DOCK2: variants seen among roughly 807,000 people sequenced by gnomAD.
The protein encoded by DOCK2 is dedicator of cytokinesis 2.
DOCK2 carries 87 observed loss-of-function variants against 248.9 expected under a neutral mutation model. That is an observed-to-expected ratio of 0.35 (90% CI 0.29 to 0.42). The LOEUF (loss-of-function observed/expected upper bound fraction) is 0.42. DOCK2 is among the 10% of genes least tolerant of loss of function. The pLI is 1.00. For missense variants in DOCK2, 1,747 were observed against 2,300.2 expected (o/e 0.76, Z 4.92); for synonymous variants, 805 against 821.6 (o/e 0.98, Z 0.35).
intron 25 of DOCK2, among the ~76,000 whole-genome samples, chr5:169,788,712 G>A (rs2113047021): frequency 6.6e-6 from 1 of 152,232 alleles, no homozygotes; most frequent in African/African-American, 2.4e-5. Context: ...AATGTATAAA[G>A]AAATACTTAT....
At chr5:169,937,606 G>T (rs1776048896) in intron 27 of DOCK2, among the ~76,000 whole-genome samples, 1 of 151,142 alleles carries the variant, frequency 6.6e-6, no homozygotes, top group Non-Finnish European at 1.5e-5. Context: ...ATATTAACTT[G>T]TTTAATCCCA....
At chr5:169,939,701 C>T (rs559325687) in intron 27 of DOCK2, among the ~76,000 whole-genome samples, 1 of 152,138 alleles carries the variant, frequency 6.6e-6, no homozygotes. Context: ...ACTGAGACGT[C>T]ATTATGCATG....
rs1758030844 is a variant in DOCK2, at chr5:170,081,504, T to C, written c.5288-338T>C. 1.2e-5 allele frequency: 3 copies of C among 252,696 alleles called. No individual in the cohort carries two copies. The East Asian group carries it at 2.7e-4, about 23-fold the overall frequency. The allele number at this position is 252,696 out of a possible 1,614,324, so 15.7% of individuals were successfully genotyped here. ...CAATGGGGAGAGAAATCCAGGGTGT[T>C]GGTGTTGGGAGCTGGAGGAAGAGTA... On this transcript the variant is annotated intron_variant, in intron 50 of 51. Transcript: ENST00000520908.
chr5:169,778,181 G>A (rs756890372), intron 25 of DOCK2, among the ~76,000 whole-genome samples: 5 of 152,148 alleles, frequency 3.3e-5, no homozygotes, highest in Non-Finnish European at 5.9e-5. Context: ...GGTGCATTGT[G>A]CTGAGAACCA....
chr5:169,771,311 C>T (rs945245288), intron 25 of DOCK2, among the ~76,000 whole-genome samples: 3 of 152,190 alleles, frequency 2.0e-5, no homozygotes, highest in Non-Finnish European at 2.9e-5. Context: ...GACGGAGTCT[C>T]GCTCTGTCGC....
At chr5:169,833,868 A>G (rs1189897665) in intron 26 of DOCK2, among the ~76,000 whole-genome samples, 1 of 152,232 alleles carries the variant, frequency 6.6e-6, no homozygotes, top group Admixed American at 6.5e-5. Flanking sequence ...AGACTTGCAT[A>G]TATTGATATT....
At chr5:169,905,024 A>G (rs529732250) in intron 27 of DOCK2, among the ~76,000 whole-genome samples, 1 of 152,322 alleles carries the variant, frequency 6.6e-6, no homozygotes, top group East Asian at 1.9e-4. Flanking sequence ...TATGAAAATG[A>G]AGATAGTAGT....
intron 1 of DOCK2, among the ~76,000 whole-genome samples, chr5:169,649,886 C>T (rs1757704406): frequency 6.6e-6 from 1 of 151,912 alleles, no homozygotes; most frequent in African/African-American, 2.4e-5. Context: ...TGACTGCAAC[C>T]TCTGCCTCCC....
rs1760752901 is a variant in DOCK2 at position 169,698,298 on chromosome 5, A to ATAAGC, written c.980-74_980-70dup. The ATAAGC allele has an allele frequency of 5.3e-6, 8 of 1,503,350 alleles. No homozygotes were observed. The South Asian group carries it at 8.1e-5, about 15-fold the overall frequency. 93.1% of individuals were successfully genotyped at this position (1,503,350 alleles called of 1,614,324 possible). The stretch of plus-strand genomic sequence containing the variant: ...CATCCCAGGCTCTACCTCCTGTCCC[A>ATAAGC]TAAGCTCATCCCACTGTCATCCCTT... On this transcript the variant is annotated intron_variant, in intron 10 of 51. Transcript: ENST00000520908.
At chr5:169,969,309 G>C (rs1348813959) in intron 27 of DOCK2, among the ~76,000 whole-genome samples, 1 of 152,064 alleles carries the variant, frequency 6.6e-6, no homozygotes, top group Non-Finnish European at 1.5e-5. Context: ...GCTGGGTGTG[G>C]TGTGGGGCAC....
chr5:169,831,824 A>C lies in DOCK2; in HGVS notation c.2704-8933A>C, dbSNP rs187841938. ...GGATGCCAATGCATCCAAAATACAG[A>C]TGAAGAAACTTGAGGCTCAGAGGGG... On this transcript the variant is annotated intron_variant, in intron 26 of 51. Transcript: ENST00000520908. Among the ~76,000 whole-genome samples, 7 of 152,372 alleles carry C rather than the reference A, an allele frequency of 4.6e-5. No homozygotes were observed. The East Asian group carries it at 1.2e-3, about 25-fold the overall frequency.
chr5:169,818,065 T>C (rs1056542761), intron 26 of DOCK2, among the ~76,000 whole-genome samples: 1 of 152,180 alleles, frequency 6.6e-6, no homozygotes, highest in Non-Finnish European at 1.5e-5. Flanking sequence ...TCAGCCTGCA[T>C]TTTCCCACAG....
At chr5:170,023,831 G>A (rs577218970) in intron 33 of DOCK2, among the ~76,000 whole-genome samples, 15 of 152,248 alleles carry the variant, frequency 9.9e-5, no homozygotes, top group African/African-American at 3.6e-4. Flanking sequence ...CTCTTCCCAT[G>A]TCAATGTCAG....
intron 30 of DOCK2, among the ~76,000 whole-genome samples, chr5:170,005,878 G>A (rs1755017047): frequency 6.6e-6 from 1 of 152,138 alleles, no homozygotes; most frequent in African/African-American, 2.4e-5. Context: ...GGGCATTTCT[G>A]AAATTATTCT....
Position 170,046,956 on chromosome 5 carries a change from G to A in DOCK2, c.3967-554G>A, listed in dbSNP as rs148157108. 3.3e-5 allele frequency among the ~76,000 whole-genome samples: 5 copies of A among 152,220 alleles called. No individual in the cohort carries two copies. In the East Asian group the frequency reaches 9.6e-4, roughly 29 times the overall value. On this transcript the variant is annotated intron_variant, in intron 39 of 51. Transcript: ENST00000520908. ...TGTGCCATGTCATGATTCCTTCAGG[G>A]CCAACTGCAGTTATAAGATGCCATT...
In DOCK2 at chr5:170,042,110, T is replaced by C. The variant is rs369071999; in HGVS notation, c.3854T>C (p.Ile1285Thr). The C allele has an allele frequency of 4.8e-5, 77 of 1,612,696 alleles. No individual in the cohort carries two copies. Among genetic ancestry groups the C allele is most frequent in the Non-Finnish European group, 6.4e-5 (76 of 1,179,292 alleles). ...QLKETLYETIIGYFDKGKMWE... is the reference protein window; with the variant it reads ...QLKETLYETITGYFDKGKMWE... ...AAGGAGACGCTCTACGAGACCATCA[T>C]AGGCTACTTTGACAAAGGAAAGGTA... Residue 1285 changes from isoleucine (I) to threonine (T), a missense_variant, in exon 38 of 52, where the codon ATA becomes ACA. Ile to Thr is a moderately conservative substitution (Grantham distance 89). Transcript: ENST00000520908.
Position 169,800,742 on chromosome 5 carries a change from A to G in DOCK2, c.2555-2316A>G, listed in dbSNP as rs540112928. On this transcript the variant is annotated intron_variant, in intron 25 of 51. Transcript: ENST00000520908. ...GGTAAATTTAAGTAAAAACAAATGT[A>G]TTTAGAAGAAAGGGAATAATCCATA... 2.8e-4 allele frequency among the ~76,000 whole-genome samples: 43 copies of G among 152,206 alleles called. No individual in the cohort carries two copies. In the South Asian group the frequency reaches 5.0e-3, roughly 18 times the overall value.
chr5:169,970,189 G>C (rs1361606439), intron 27 of DOCK2, among the ~76,000 whole-genome samples: 1 of 152,184 alleles, frequency 6.6e-6, no homozygotes, highest in Non-Finnish European at 1.5e-5. Flanking sequence ...AACCAGATTT[G>C]GATGCCGTGC....
chr5:170,012,169 A>T (rs1755323970), intron 32 of DOCK2, among the ~76,000 whole-genome samples: 1 of 152,172 alleles, frequency 6.6e-6, no homozygotes, highest in South Asian at 2.1e-4. Flanking sequence ...TCTTACAAAT[A>T]ATTTTTTTCA....
Sources: allele counts gnomAD v4.1 joint callset (sites outside exome capture counted in the v4.1 genomes callset), GRCh38; gene constraint gnomAD v4.1.1; transcripts MANE v1.5; gene names NCBI Gene and HGNC (gene_info 2026-07-23, HGNC 2026-07-21).